Variants in ZBBX observed in about 807,000 individuals in gnomAD.
ZBBX encodes zinc finger B-box domain-containing protein 1.
A neutral mutation model predicts 108.5 loss-of-function variants in ZBBX; 101 were observed. The ratio of observed to expected loss-of-function variants is 0.93; its 90% CI spans 0.79 to 1.10. ZBBX has a LOEUF of 1.10. Ranked by LOEUF, ZBBX falls within the 50% of genes least tolerant of loss-of-function variation. The probability of loss-of-function intolerance (pLI) is 0.00; values close to 1 mark genes in which losing one functional copy is unlikely to be tolerated. For missense variants in ZBBX, 1,009 were observed against 941.4 expected, an observed-to-expected ratio of 1.07 and a Z score of -0.94; for synonymous variants, 356 against 323.4, an observed-to-expected ratio of 1.10 and a Z score of -1.08.
At chr3:167,184,040 C>T in the ZBBX span, among the ~76,000 whole-genome samples, 1 of 152,074 alleles carries the variant, frequency 6.6e-6, no homozygotes, top group Non-Finnish European at 1.5e-5. Context: ...CAGAAATAGA[C>T]CATTTTTCTT....
At chr3:167,288,459 T>A (rs1369292625) in intron 19 of ZBBX, among the ~76,000 whole-genome samples, 6 of 152,146 alleles carry the variant, frequency 3.9e-5, no homozygotes, top group Non-Finnish European at 8.8e-5. Flanking sequence ...TTAACCTAAG[T>A]CAATCATTTC....
the ZBBX span, among the ~76,000 whole-genome samples, chr3:167,217,921 C>T: frequency 4.1e-5 from 6 of 146,184 alleles, no homozygotes; most frequent in East Asian, 4.1e-4. Flanking sequence ...GATAGAGTCT[C>T]GCTCTGTCGC....
At chr3:167,265,160 A>G (rs1417300603) in intron 20 of ZBBX, among the ~76,000 whole-genome samples, 1 of 152,168 alleles carries the variant, frequency 6.6e-6, no homozygotes, top group East Asian at 1.9e-4. Flanking sequence ...CATCATTTTC[A>G]TTGTAGTTGC....
At chr3:167,351,165 TTATGG>T (rs1742580152) in intron 8 of ZBBX, among the ~76,000 whole-genome samples, 1 of 151,986 alleles carries the variant, frequency 6.6e-6, no homozygotes, top group African/African-American at 2.4e-5. Flanking sequence ...GATAAAATGA[TTATGG>T]GCAAGTTTAT....
intron 20 of ZBBX, among the ~76,000 whole-genome samples, chr3:167,248,282 C>T (rs1721942772): frequency 6.6e-6 from 1 of 152,186 alleles, no homozygotes; most frequent in Non-Finnish European, 1.5e-5. Flanking sequence ...CGAATGGGTG[C>T]TTCTCACCCA....
chr3:167,185,160 T>C, the ZBBX span, among the ~76,000 whole-genome samples: 69 of 152,236 alleles, frequency 4.5e-4, no homozygotes, highest in African/African-American at 1.6e-3. Context: ...AATAATGTGG[T>C]ACATCTATAC....
chr3:167,192,532 C>T, the ZBBX span, among the ~76,000 whole-genome samples: 4 of 152,124 alleles, frequency 2.6e-5, no homozygotes, highest in South Asian at 8.3e-4. Context: ...CTTGTTTGCT[C>T]TTGTTGCTTT....
intron 4 of ZBBX, among the ~76,000 whole-genome samples, chr3:167,370,343 A>C (rs1023375929): frequency 1.3e-5 from 2 of 149,608 alleles, no homozygotes; most frequent in African/African-American, 5.0e-5. Context: ...AAATAATCCC[A>C]TGTTTCTTAT....
At chr3:167,192,813 G>A in the ZBBX span, among the ~76,000 whole-genome samples, 1 of 152,014 alleles carries the variant, frequency 6.6e-6, no homozygotes, top group South Asian at 2.1e-4. Flanking sequence ...ATTTTTCTTT[G>A]ATTTTTAAAA....
At chr3:167,396,039 A>C (rs1748226802) in intron 1 of ZBBX, among the ~76,000 whole-genome samples, 1 of 152,018 alleles carries the variant, frequency 6.6e-6, no homozygotes, top group African/African-American at 2.4e-5. Context: ...GACAGTTGTC[A>C]TGGCATGATT....
At chr3:167,245,229 C>G (rs1721354616) in intron 20 of ZBBX, among the ~76,000 whole-genome samples, 1 of 152,048 alleles carries the variant, frequency 6.6e-6, no homozygotes, top group African/African-American at 2.4e-5. Context: ...CTGGCCCACA[C>G]AGTGAAACCC....
At chr3:167,382,468 T>C (rs138300802), upstream of ZBBX, among the ~76,000 whole-genome samples, 594 of 152,282 alleles carry the variant, frequency 3.9e-3, 8 homozygotes, top group African/African-American at 0.013. Flanking sequence ...TCCAAACTCA[T>C]GCTTCTTTGT....
intron 20 of ZBBX, among the ~76,000 whole-genome samples, chr3:167,269,919 T>C (rs921555785): frequency 1.1e-4 from 17 of 152,186 alleles, no homozygotes; most frequent in Non-Finnish European, 2.9e-5. Flanking sequence ...CACTTTTAAG[T>C]GGGAAGACAC....
intron 9 of ZBBX, among the ~76,000 whole-genome samples, chr3:167,347,247 C>A (rs900381168): frequency 1.3e-5 from 2 of 151,866 alleles, no homozygotes; most frequent in Non-Finnish European, 2.9e-5. Flanking sequence ...CAAACATGTA[C>A]ATGATGTTTT....
chr3:167,305,500 A>T, intron 17 of ZBBX, 143 bp downstream of exon 17: 2 of 579,776 alleles, frequency 3.4e-6, no homozygotes. Context: ...CGTATGAGTC[A>T]CTCTTCAACT....
chr3:167,296,588 C>A (rs188608969), intron 18 of ZBBX, among the ~76,000 whole-genome samples: 21 of 151,860 alleles, frequency 1.4e-4, no homozygotes, highest in African/African-American at 3.4e-4. Context: ...TAACAATGAA[C>A]AATCGGAAAA....
rs1175239088 is a variant in ZBBX at position 167,368,325 on chromosome 3, G to A, written c.182+136C>T. ...CAAAAACAAAAAATAGAAGGCCTTTGCTATTGCTCGTTCATCAGGAAAAGT... is the reference window on the plus strand; with the variant it reads ...CAAAAACAAAAAATAGAAGGCCTTTACTATTGCTCGTTCATCAGGAAAAGT... On this transcript the variant is annotated intron_variant, in intron 5 of 21. Transcript: ENST00000675490. The A allele has an allele frequency of 1.1e-5, 7 of 631,972 alleles. No homozygotes were observed. In the East Asian group the frequency reaches 2.2e-4, roughly 19 times the overall value. The allele number at this position is 631,972 out of a possible 1,614,324, so 39.1% of individuals were successfully genotyped here. A position where few individuals can be genotyped will look rare whatever the true frequency, so the allele number is the denominator to read the frequency against.
chr3:167,253,741 T>G (rs993140726), intron 20 of ZBBX, among the ~76,000 whole-genome samples: 2 of 152,074 alleles, frequency 1.3e-5, no homozygotes, highest in African/African-American at 4.8e-5. Context: ...CCACTCACAA[T>G]AAGCATAGGC....
At chr3:167,236,833 C>T (rs763548932), downstream of ZBBX, among the ~76,000 whole-genome samples, 4 of 151,678 alleles carry the variant, frequency 2.6e-5, no homozygotes, top group Non-Finnish European at 5.9e-5. Flanking sequence ...TCAAAAATCA[C>T]ATTTGTACAT....
Sources: allele counts gnomAD v4.1 joint callset (sites outside exome capture counted in the v4.1 genomes callset), GRCh38; gene constraint gnomAD v4.1.1; transcripts MANE v1.5; gene names NCBI Gene and HGNC (gene_info 2026-07-23, HGNC 2026-07-21).